The following SLC7A14 variants were observed in gnomAD, a reference collection of about 807,000 sequenced individuals.
SLC7A14 encodes gamma-aminobutyric acid transporter SLC7A14.
SLC7A14 carries 37 observed loss-of-function variants against 60.2 expected under a neutral mutation model. The ratio of observed to expected loss-of-function variants is 0.61; its 90% CI spans 0.47 to 0.81. The LOEUF (loss-of-function observed/expected upper bound fraction) is 0.81. SLC7A14 is among the 30% of genes least tolerant of loss of function. SLC7A14 has a pLI of 0.00. For synonymous variants in SLC7A14, 399 were observed against 395.8 expected, an observed-to-expected ratio of 1.01 and a Z score of -0.10; for missense variants, 886 against 982.7, an observed-to-expected ratio of 0.90 and a Z score of 1.32.
intron 5 of SLC7A14, among the ~76,000 whole-genome samples, 153 bp downstream of exon 5, chr3:170,486,069 T>G (rs1022091052): frequency 4.6e-5 from 7 of 152,152 alleles, no homozygotes. Flanking sequence ...GGAGTCCTAA[T>G]TTTTTTCTTG....
At position 170,467,300 on chromosome 3, in the gene SLC7A14, T is replaced by G; in HGVS notation, c.2071A>C (p.Ser691Arg). 1 of 1,614,222 alleles carries G rather than the reference T, an allele frequency of 6.2e-7. No individual in the cohort carries two copies. Among genetic ancestry groups the G allele is most frequent in the Non-Finnish European group, 8.5e-7 (1 of 1,180,036 alleles). ...TCCACGTCGTAGCGTTGGTACGTGC[T>G]TTGGTGCAGGGCCTCTTCTCGAGCG... Reference protein sequence around the residue: ...ISAREEALHQSTYQRYDVDDP... With the variant: ...ISAREEALHQRTYQRYDVDDP... Residue 691 changes from serine to arginine, a missense_variant, in exon 8 of 8, where the codon AGC (serine) becomes CGC (arginine). Ser to Arg is a moderately radical substitution (Grantham distance 110). Coordinates refer to ENST00000231706, the MANE Select transcript of SLC7A14 (RefSeq NM_020949.3).
chr3:170,515,141 C>T (rs770830071), intron 2 of SLC7A14, among the ~76,000 whole-genome samples: 3 of 151,880 alleles, frequency 2.0e-5, no homozygotes, highest in Non-Finnish European at 2.9e-5. Context: ...GGCGTAACCC[C>T]ATCTCTACTA....
intron 1 of SLC7A14, among the ~76,000 whole-genome samples, chr3:170,549,184 C>A (rs1301823144): frequency 1.3e-5 from 2 of 150,608 alleles, no homozygotes; most frequent in African/African-American, 4.9e-5. Context: ...ATAATACAGG[C>A]TGAATCCAGA....
intron 4 of SLC7A14, chr3:170,496,339 C>A: frequency 2.4e-6 from 3 of 1,225,320 alleles, no homozygotes; most frequent in South Asian, 1.2e-5. Context: ...CTGCGGTGTA[C>A]AAAGACTTAG....
chr3:170,496,179 A>G, intron 4 of SLC7A14: 1 of 908,862 alleles, frequency 1.1e-6, no homozygotes, highest in Admixed American at 1.7e-5. Flanking sequence ...GTCCATGGAC[A>G]ACAGCCTCTC....
At chr3:170,529,863 G>T (rs1043238998) in intron 1 of SLC7A14, among the ~76,000 whole-genome samples, 1 of 152,142 alleles carries the variant, frequency 6.6e-6, no homozygotes, top group African/African-American at 2.4e-5. Flanking sequence ...AGACATGGGG[G>T]TTATGCCTCT....
chr3:170,477,118 C>G (rs1711642195), intron 7 of SLC7A14, among the ~76,000 whole-genome samples: 1 of 152,222 alleles, frequency 6.6e-6, no homozygotes, highest in Admixed American at 6.5e-5. Context: ...ATCGAACGTT[C>G]TAATGAAATG....
chr3:170,470,817 A>G (rs1197809565), intron 7 of SLC7A14, among the ~76,000 whole-genome samples: 1 of 152,126 alleles, frequency 6.6e-6, no homozygotes, highest in Non-Finnish European at 1.5e-5. Context: ...GAGTAAACAG[A>G]GCTGCTCCAC....
rs116684066 is a variant in SLC7A14, at chr3:170,482,584, A to T, written c.1115+730T>A. Among the ~76,000 whole-genome samples the T allele has an allele frequency of 8.4e-3, 1,283 of 152,336 alleles. 27 individuals are homozygous for T. The highest frequency in any genetic ancestry group is 0.029 in the African/African-American group (1,208 of 41,580). The stretch of plus-strand genomic sequence containing the variant: ...GCTGGGGCCACATCCCCTTTGTACC[A>T]TGGGCAGATGGGCCACTTCATGGCC... On this transcript the variant is annotated intron_variant, in intron 6 of 7. Coordinates refer to ENST00000231706, the MANE Select transcript of SLC7A14 (RefSeq NM_020949.3).
At chr3:170,496,326 G>A (rs953001929) in intron 4 of SLC7A14, 1 of 1,062,146 alleles carries the variant, frequency 9.4e-7, no homozygotes, top group African/African-American at 1.6e-5. Context: ...GCACGGGGAT[G>A]ACCTGCGGTG....
chr3:170,477,760 C>A (rs1049781461), intron 7 of SLC7A14, among the ~76,000 whole-genome samples: 1 of 152,122 alleles, frequency 6.6e-6, no homozygotes, highest in Non-Finnish European at 1.5e-5. Context: ...AATAACTGTA[C>A]AATATTTTTA....
intron 1 of SLC7A14, among the ~76,000 whole-genome samples, chr3:170,533,507 C>T (rs922454943): frequency 5.3e-5 from 8 of 152,194 alleles, no homozygotes; most frequent in South Asian, 2.1e-4. Context: ...ATTTCTTCTG[C>T]GATCAACAGT....
intron 1 of SLC7A14, among the ~76,000 whole-genome samples, chr3:170,569,122 A>G (rs1262985662): frequency 1.3e-5 from 2 of 152,290 alleles, no homozygotes; most frequent in Admixed American, 1.3e-4. Flanking sequence ...GTTTTTGCCC[A>G]TTCAGTATGA....
chr3:170,561,367 T>C (rs1259495032), intron 1 of SLC7A14, among the ~76,000 whole-genome samples: 1 of 152,236 alleles, frequency 6.6e-6, no homozygotes, highest in Non-Finnish European at 1.5e-5. Context: ...AGTTTTCCAC[T>C]TAAACTGCTT....
At position 170,480,322 on chromosome 3, in the gene SLC7A14, T is replaced by G. The variant is rs1209007916; in HGVS notation, c.1960A>C (p.Thr654Pro). Reference sequence around the variant, plus strand: ...CACCAGACCGCAAACCGGATCCATGTGATGGTGGAGAGCTTTAGCATGAGA... The same window carrying G: ...CACCAGACCGCAAACCGGATCCATGGGATGGTGGAGAGCTTTAGCATGAGA... Reference protein sequence around the residue: ...IYLMLKLSTITWIRFAVWCFV... With the variant: ...IYLMLKLSTIPWIRFAVWCFV... The change falls in exon 7 of 8, where the codon ACA (threonine) becomes CCA (proline). Residue 654 changes from threonine to proline, a missense_variant. By Grantham distance (38) the Thr-to-Pro change is conservative. Coordinates refer to ENST00000231706, the MANE Select transcript of SLC7A14 (RefSeq NM_020949.3). 6.4e-7 allele frequency: 1 copy of G among 1,551,056 alleles called. No homozygotes were observed. The highest frequency in any genetic ancestry group is 8.7e-7 in the Non-Finnish European group (1 of 1,148,846).
rs921501692 is a variant in SLC7A14, at chr3:170,464,277, G to A, written c.*2778C>T. The A allele has an allele frequency of 3.3e-5, 5 of 152,176 alleles. No individual in the cohort carries two copies. Among genetic ancestry groups the A allele is most frequent in the Non-Finnish European group, 5.9e-5 (4 of 68,036 alleles). The allele number at this position is 152,176 out of a possible 1,614,324, so 9.4% of individuals were successfully genotyped here. ...AAATCCACACAATGAAATCTCACTC[G>A]GAGAGCTTTTGCTATTCAGAATTCA... On this transcript the variant is annotated 3_prime_UTR_variant, in exon 8 of 8. Transcript: ENST00000231706.
At chr3:170,556,597 T>G (rs1179592265) in intron 1 of SLC7A14, among the ~76,000 whole-genome samples, 1 of 152,206 alleles carries the variant, frequency 6.6e-6, no homozygotes, top group East Asian at 1.9e-4. Context: ...TCATGTGGCC[T>G]GGATGACAAC....
At chr3:170,563,788 A>G (rs1253068188) in intron 1 of SLC7A14, among the ~76,000 whole-genome samples, 1 of 152,196 alleles carries the variant, frequency 6.6e-6, no homozygotes, top group East Asian at 1.9e-4. Context: ...CCATTTTCAC[A>G]TTAAATAATA....
intron 1 of SLC7A14, among the ~76,000 whole-genome samples, chr3:170,564,264 G>A (rs935216221): frequency 2.6e-5 from 4 of 152,178 alleles, no homozygotes; most frequent in African/African-American, 9.7e-5. Flanking sequence ...CATTTCCAGA[G>A]CCTCCGAAAA....
Sources: gnomAD v4.1 joint callset for allele counts (sites outside exome capture counted in the v4.1 genomes callset) on GRCh38, gnomAD v4.1.1 for gene constraint, MANE v1.5 for transcripts, NCBI Gene and HGNC (gene_info 2026-07-23, HGNC 2026-07-21) for gene names.